CASTOR2: variants seen among roughly 807,000 people sequenced by gnomAD.
CASTOR2 encodes the protein cytosolic arginine sensor for mTORC1 subunit 2.
CASTOR2 carries 8 observed loss-of-function variants against 31.2 expected under a neutral mutation model. That is an observed-to-expected ratio of 0.26 (90% CI 0.15 to 0.46). CASTOR2 has a LOEUF of 0.46. Among genes scored for constraint, CASTOR2 ranks in the 20% least tolerant of loss-of-function variants. The probability of loss-of-function intolerance (pLI) is 0.99; values close to 1 mark genes in which losing one functional copy is unlikely to be tolerated. For synonymous variants in CASTOR2, 162 were observed against 158.7 expected (o/e 1.02, Z -0.16); for missense variants, 216 against 382.1 (o/e 0.57, Z 3.62).
chr7:74,986,504 AG>A (rs1804070250), intron 1 of CASTOR2, among the ~76,000 whole-genome samples: 1 of 151,132 alleles, frequency 6.6e-6, no homozygotes, highest in East Asian at 2.0e-4. Flanking sequence ...AAAAAAAAAA[AG>A]AAAAGAAAAG....
chr7:75,003,242 T>C lies in CASTOR2; in HGVS notation c.114-4752T>C, dbSNP rs1403410981. ...CAGAAGGATCACTTGAGCTCAGGAGTGCAAGACCAGTCGGGGCAACATAGT... is the reference window on the plus strand; with the variant it reads ...CAGAAGGATCACTTGAGCTCAGGAGCGCAAGACCAGTCGGGGCAACATAGT... On this transcript the variant is annotated intron_variant, in intron 1 of 8. Transcript: ENST00000616305. Among the ~76,000 whole-genome samples the C allele has an allele frequency of 4.0e-5, 6 of 150,532 alleles. No individual in the cohort carries two copies. In the South Asian group the frequency reaches 1.3e-3, roughly 32 times the overall value.
Position 75,028,087 on chromosome 7 carries a change from G to A in CASTOR2, c.*3388G>A. The A allele has an allele frequency of 1.3e-6, 2 of 1,530,192 alleles. No homozygotes were observed. The highest frequency in any genetic ancestry group is 1.7e-6 in the Non-Finnish European group (2 of 1,145,362). 94.8% of individuals were successfully genotyped at this position (1,530,192 alleles called of 1,614,324 possible). A position where few individuals can be genotyped will look rare whatever the true frequency, so the allele number is the denominator to read the frequency against. ...GGCGGATGGGGCAGGTGCCTGGCGGGGGAGGAAGAGGGCTCTCTATGATGT... is the reference window on the plus strand; with the variant it reads ...GGCGGATGGGGCAGGTGCCTGGCGGAGGAGGAAGAGGGCTCTCTATGATGT... On this transcript the variant is annotated 3_prime_UTR_variant, in exon 9 of 9. Coordinates refer to ENST00000616305, the MANE Select transcript of CASTOR2 (RefSeq NM_001145064.3).
In CASTOR2 at chr7:75,026,189, G is replaced by GTTTTTTTTTTTTTTTTTTTTTTTT. The variant is rs879121750; in HGVS notation, c.*1507_*1508insTTTTTTTTTTTTTTTTTTTTTTTT. On this transcript the variant is annotated 3_prime_UTR_variant, in exon 9 of 9. Transcript: ENST00000616305. The stretch of plus-strand genomic sequence containing the variant: ...CCCTGTGGTTTTGGCTCTGGCGGGG[G>GTTTTTTTTTTTTTTTTTTTTTTTT]TTTTTTTTTTTTTTTTTGAGATGGG... Among the ~76,000 whole-genome samples, 19 of 117,704 alleles carry GTTTTTTTTTTTTTTTTTTTTTTTT rather than the reference G, an allele frequency of 1.6e-4. 2 individuals carry two copies. The highest frequency in any genetic ancestry group is 3.9e-4 in the African/African-American group (12 of 30,790). 77.2% of individuals were successfully genotyped at this position (117,704 alleles called of 152,430 possible).
rs1268406523 is a variant in CASTOR2, at chr7:75,029,586, C to T, written c.*4887C>T. Among the ~76,000 whole-genome samples, 10 of 152,134 alleles carry T rather than the reference C, an allele frequency of 6.6e-5. No homozygotes were observed. In the South Asian group the frequency reaches 1.0e-3, roughly 16 times the overall value. ...CTTGAACTCCTGACCTCAGGTGATC[C>T]GCCCACCTTGGCCTCCCAAAGTGCT... On this transcript the variant is annotated 3_prime_UTR_variant, in exon 9 of 9. Transcript: ENST00000616305.
At chr7:74,990,428 C>T (rs1442512824) in intron 1 of CASTOR2, among the ~76,000 whole-genome samples, 2 of 151,156 alleles carry the variant, frequency 1.3e-5, no homozygotes, top group African/African-American at 4.9e-5. Context: ...AACAAAAAAA[C>T]ATGTTTTGGC....
At position 75,029,658 on chromosome 7, in the gene CASTOR2, C is replaced by T. The variant is rs923453473; in HGVS notation, c.*4959C>T. ...CCCGCCTGGCCAATGGGATTTTTGA[C>T]GCCACTTCCTGAGTGAAGCGCTTTG... On this transcript the variant is annotated 3_prime_UTR_variant, in exon 9 of 9. Transcript: ENST00000616305. Among the ~76,000 whole-genome samples the T allele has an allele frequency of 1.1e-4, 17 of 151,916 alleles. No homozygotes were observed. Among genetic ancestry groups the T allele is most frequent in the African/African-American group, 4.1e-4 (17 of 41,378 alleles).
intron 6 of CASTOR2, among the ~76,000 whole-genome samples, chr7:75,021,327 A>AT (rs1280924892): frequency 2.6e-5 from 4 of 152,154 alleles, no homozygotes; most frequent in African/African-American, 7.2e-5. Context: ...GGGCTTCGCC[A>AT]TGCTGACCAG....
intron 1 of CASTOR2, among the ~76,000 whole-genome samples, chr7:74,974,964 GTTTTGTTTTGC>G (rs1185036413): frequency 2.7e-5 from 4 of 148,668 alleles, no homozygotes; most frequent in Non-Finnish European, 4.5e-5. Context: ...GTTTTGTTTT[GTTTTGTTTTGC>G]TTTTGTTTTT....
At chr7:75,024,378 G>A (rs1459286654) in intron 7 of CASTOR2, 62 bp from the exon 8 acceptor site, 1 of 1,512,386 alleles carries the variant, frequency 6.6e-7, no homozygotes, top group Non-Finnish European at 9.0e-7. Flanking sequence ...AGAGGCTGAA[G>A]AGCCACACAG....
Position 74,984,706 on chromosome 7 carries a change from T to C in CASTOR2, c.113+19608T>C, listed in dbSNP as rs1418393222. Among the ~76,000 whole-genome samples, 34 of 152,270 alleles carry C rather than the reference T, an allele frequency of 2.2e-4. No individual in the cohort carries two copies. In the East Asian group the frequency reaches 5.8e-3, roughly 26 times the overall value. On this transcript the variant is annotated intron_variant, in intron 1 of 8. Coordinates refer to ENST00000616305, the MANE Select transcript of CASTOR2 (RefSeq NM_001145064.3). ...CCCACCGCCATGCCCTTTGGATGCA[T>C]TATCAACTCAGGTGGGTATGTGACC... is the stretch of plus-strand genomic sequence containing the variant.
At chr7:75,001,966 GAAAGTCATCC>G (rs1185538729) in intron 1 of CASTOR2, among the ~76,000 whole-genome samples, 2 of 152,212 alleles carry the variant, frequency 1.3e-5, no homozygotes, top group Non-Finnish European at 2.9e-5. Flanking sequence ...ACAGTGGCCT[GAAAGTCATCC>G]AATAGACATA....
intron 1 of CASTOR2, 24 bp from the exon 2 acceptor site, chr7:75,007,970 T>C (rs1804642620): frequency 2.5e-6 from 4 of 1,613,902 alleles, no homozygotes; most frequent in South Asian, 2.2e-5. Flanking sequence ...TAATGAGATA[T>C]TCTGTGTCTG....
In CASTOR2 at chr7:75,027,976, C is replaced by G; in HGVS notation, c.*3277C>G. On this transcript the variant is annotated 3_prime_UTR_variant, in exon 9 of 9. Transcript: ENST00000616305. ...GGGGCATGTGTTTCTCAGAGGGGCT[C>G]CATCCGCAGTTGCATGGAACTCCTT... 1 of 1,514,200 alleles carries G rather than the reference C, an allele frequency of 6.6e-7. No individual in the cohort carries two copies. The highest frequency in any genetic ancestry group is 2.5e-5 in the East Asian group (1 of 40,780). The allele number at this position is 1,514,200 out of a possible 1,614,324, so 93.8% of individuals were successfully genotyped here.
intron 1 of CASTOR2, among the ~76,000 whole-genome samples, chr7:74,996,338 C>A (rs1170699529): frequency 2.0e-5 from 3 of 152,100 alleles, no homozygotes; most frequent in Admixed American, 6.6e-5. Flanking sequence ...GGAACCAGGG[C>A]CACTCCGAGA....
chr7:74,989,594 T>TTTTTTTTTTATTGTTTTTTTCTTTTTTTC, intron 1 of CASTOR2, among the ~76,000 whole-genome samples: 1 of 150,132 alleles, frequency 6.7e-6, no homozygotes, highest in Non-Finnish European at 1.5e-5. Context: ...TTTTTTTTTT[T>TTTTTTTTTTATTGTTTTTTTCTTTTTTTC]CTGTAGAGAT....
At chr7:74,968,206 A>C (rs2131910724) in intron 1 of CASTOR2, among the ~76,000 whole-genome samples, 1 of 143,244 alleles carries the variant, frequency 7.0e-6, no homozygotes, top group African/African-American at 2.6e-5. Context: ...ATTCTCCCCC[A>C]CCCACCCCTA....
At chr7:74,990,009 G>A (rs1246181414) in intron 1 of CASTOR2, among the ~76,000 whole-genome samples, 4 of 151,974 alleles carry the variant, frequency 2.6e-5, no homozygotes, top group African/African-American at 4.8e-5. Context: ...AAGTTATGCC[G>A]CAATTGTAAA....
At chr7:75,012,493 G>T (rs2131949439) in intron 2 of CASTOR2, among the ~76,000 whole-genome samples, 1 of 151,390 alleles carries the variant, frequency 6.6e-6, no homozygotes, top group South Asian at 2.1e-4. Flanking sequence ...TTTTAGTAGA[G>T]ACAGGGTTTC....
chr7:74,987,877 T>G (rs1264676819), intron 1 of CASTOR2, among the ~76,000 whole-genome samples: 1 of 151,912 alleles, frequency 6.6e-6, no homozygotes, highest in African/African-American at 2.4e-5. Flanking sequence ...CTGGCCAATT[T>G]TTGTATTTTT....
Sources: gnomAD v4.1 joint callset for allele counts (sites outside exome capture counted in the v4.1 genomes callset) on GRCh38, gnomAD v4.1.1 for gene constraint, MANE v1.5 for transcripts, NCBI Gene and HGNC (gene_info 2026-07-23, HGNC 2026-07-21) for gene names.